HMGXB4: variants seen among roughly 807,000 people sequenced by gnomAD.
HMGXB4 encodes the protein HMG-box containing 4.
A neutral mutation model predicts 63.9 loss-of-function variants in HMGXB4; 27 were observed. That is an observed-to-expected ratio of 0.42 (90% CI 0.31 to 0.58). The LOEUF is 0.58. Ranked by LOEUF, HMGXB4 falls within the 20% of genes least tolerant of loss-of-function variation. The pLI is 0.13. For synonymous variants in HMGXB4, 264 were observed against 265.3 expected, an observed-to-expected ratio of 0.99 and a Z score of 0.05; for missense variants, 624 against 700.7, an observed-to-expected ratio of 0.89 and a Z score of 1.24.
chr22:35,241,881 A>G, the HMGXB4 span, among the ~76,000 whole-genome samples: 1 of 152,132 alleles, frequency 6.6e-6, no homozygotes, highest in Non-Finnish European at 1.5e-5. Context: ...TAAAATTCAC[A>G]ATGCAAGCCT....
chr22:35,288,709 G>A (rs1243520790), intron 9 of HMGXB4, among the ~76,000 whole-genome samples: 1 of 152,194 alleles, frequency 6.6e-6, no homozygotes, highest in African/African-American at 2.4e-5. Context: ...GTGGAGGCTG[G>A]GCGCAGTGGC....
intron 5 of HMGXB4, among the ~76,000 whole-genome samples, chr22:35,280,182 C>A (rs73170187): frequency 6.6e-6 from 1 of 152,214 alleles, no homozygotes; most frequent in Non-Finnish European, 1.5e-5. Context: ...TCTTGCCCAC[C>A]CTTACGGGAA....
chr22:35,248,738 G>C, the HMGXB4 span, among the ~76,000 whole-genome samples: 1 of 152,044 alleles, frequency 6.6e-6, no homozygotes, highest in African/African-American at 2.4e-5. Context: ...GATCTCTAGT[G>C]AACCAGCTGA....
intron 5 of HMGXB4, among the ~76,000 whole-genome samples, chr22:35,279,707 G>T (rs1924132358): frequency 4.7e-5 from 5 of 105,948 alleles, no homozygotes; most frequent in Admixed American, 1.4e-4. Context: ...TTTGGCATGT[G>T]GATATCCAAT....
chr22:35,246,599 C>T, the HMGXB4 span, among the ~76,000 whole-genome samples: 1 of 152,192 alleles, frequency 6.6e-6, no homozygotes, highest in African/African-American at 2.4e-5. Context: ...CTCTGTCTTG[C>T]TAGGGGGTGG....
intron 2 of HMGXB4, among the ~76,000 whole-genome samples, 166 bp downstream of exon 2, chr22:35,262,587 A>G (rs1458966155): frequency 2.0e-5 from 3 of 152,148 alleles, no homozygotes; most frequent in African/African-American, 4.8e-5. Context: ...GACTGGGCCC[A>G]TGGAAACGAA....
chr22:35,255,737 G>A (rs1922368092), upstream of HMGXB4, among the ~76,000 whole-genome samples: 1 of 152,224 alleles, frequency 6.6e-6, no homozygotes, highest in African/African-American at 2.4e-5. Flanking sequence ...CCTCTTCTGG[G>A]GAAACACATG....
chr22:35,263,509 C>T (rs1477737807), intron 3 of HMGXB4, among the ~76,000 whole-genome samples: 1 of 152,116 alleles, frequency 6.6e-6, no homozygotes, highest in African/African-American at 2.4e-5. Context: ...TCTCAAACTC[C>T]TGACCTCAAA....
intron 5 of HMGXB4, among the ~76,000 whole-genome samples, chr22:35,273,031 A>G (rs944547110): frequency 2.6e-5 from 4 of 152,220 alleles, no homozygotes; most frequent in Non-Finnish European, 5.9e-5. Context: ...TCTAAACCTA[A>G]GGCAGGGCCA....
At position 35,265,160 on chromosome 22, in the gene HMGXB4, G is replaced by A. The variant is rs1359586947; in HGVS notation, c.772G>A (p.Ala258Thr). Reference protein sequence around the residue: ...ARKKHKSSSDAHSSPGPEGCG... With the variant: ...ARKKHKSSSDTHSSPGPEGCG... Reference sequence around the variant, plus strand: ...GAAAAAGCACAAGTCATCCTCAGACGCACATTCATCTCCTGGCCCTGAAGG... The same window carrying A: ...GAAAAAGCACAAGTCATCCTCAGACACACATTCATCTCCTGGCCCTGAAGG... The change falls in exon 5 of 11, where the codon GCA becomes ACA. Residue 258 changes from alanine (A) to threonine (T), a missense_variant. Ala to Thr is a moderately conservative substitution (Grantham distance 58). Transcript: ENST00000216106. 4 of 1,613,958 alleles carry A rather than the reference G, an allele frequency of 2.5e-6. No individual in the cohort carries two copies. Among genetic ancestry groups the A allele is most frequent in the Admixed American group, 1.7e-5 (1 of 59,982 alleles).
chr22:35,273,246 T>G (rs2146417568), intron 5 of HMGXB4, among the ~76,000 whole-genome samples: 1 of 152,344 alleles, frequency 6.6e-6, no homozygotes, highest in South Asian at 2.1e-4. Context: ...TTACCACTCT[T>G]GATTAATAAT....
chr22:35,287,571 A>T (rs1490693062), intron 8 of HMGXB4, 119 bp downstream of exon 8: 1 of 677,050 alleles, frequency 1.5e-6, no homozygotes, highest in Admixed American at 2.7e-5. Flanking sequence ...AGGTATTATT[A>T]CCTGGGAATG....
At chr22:35,247,555 C>T in the HMGXB4 span, among the ~76,000 whole-genome samples, 14 of 152,302 alleles carry the variant, frequency 9.2e-5, no homozygotes, top group Middle Eastern at 0.01. Flanking sequence ...CCTCCCCAAA[C>T]TCCCCACTCC....
At chr22:35,262,665 TG>T in intron 2 of HMGXB4, 1 of 560,206 alleles carries the variant, frequency 1.8e-6, no homozygotes, top group Non-Finnish European at 3.2e-6. Context: ...GGTGATCCCC[TG>T]CAGCACTCTT....
chr22:35,250,868 A>C, the HMGXB4 span, among the ~76,000 whole-genome samples: 78,730 of 151,820 alleles, frequency 0.52, 24,269 homozygotes, highest in Non-Finnish European at 0.68. Flanking sequence ...CATAATCCTC[A>C]CCACTTGAGA....
intron 9 of HMGXB4, among the ~76,000 whole-genome samples, chr22:35,290,569 T>G (rs1924867656): frequency 6.9e-6 from 1 of 144,492 alleles, no homozygotes; most frequent in Admixed American, 7.3e-5. Flanking sequence ...AGGCGGAGCT[T>G]GCAGTGAGCC....
intron 5 of HMGXB4, among the ~76,000 whole-genome samples, chr22:35,271,224 G>T (rs1292845049): frequency 6.6e-6 from 1 of 151,736 alleles, no homozygotes; most frequent in Admixed American, 6.6e-5. Context: ...ACAAGACCCT[G>T]TCTCAAAAAA....
At chr22:35,262,078 G>T (rs1922895206) in intron 1 of HMGXB4, 1 of 305,952 alleles carries the variant, frequency 3.3e-6, no homozygotes, top group South Asian at 5.9e-5. Flanking sequence ...TTTTGTATTG[G>T]AGGTATTTTA....
Position 35,262,422 on chromosome 22 carries a change from G to T in HMGXB4, c.31+1G>T. 1.2e-6 allele frequency: 2 copies of T among 1,613,800 alleles called. No homozygotes were observed. Among genetic ancestry groups the T allele is most frequent in the Non-Finnish European group, 1.7e-6 (2 of 1,179,704 alleles). ...TATGATGACTCCGTGAAGAAAGAAG[G>T]TATGACCCCATAATCTGAGAAGCAT... is the stretch of plus-strand genomic sequence containing the variant. On this transcript the variant is annotated splice_donor_variant, in intron 2 of 10. Transcript: ENST00000216106. LOFTEE classifies it high-confidence loss of function.
Sources: allele counts gnomAD v4.1 joint callset (sites outside exome capture counted in the v4.1 genomes callset), GRCh38; gene constraint gnomAD v4.1.1; transcripts MANE v1.5; gene names NCBI Gene and HGNC (gene_info 2026-07-23, HGNC 2026-07-21).